The following PTPRD variants were observed in gnomAD, a reference collection of about 807,000 sequenced individuals.
PTPRD encodes receptor-type tyrosine-protein phosphatase delta.
A neutral mutation model predicts 214.5 loss-of-function variants in PTPRD; 34 were observed. The ratio of observed to expected loss-of-function variants is 0.16; its 90% CI spans 0.12 to 0.21. The LOEUF is 0.21. PTPRD is among the 10% of genes least tolerant of loss of function. PTPRD has a pLI of 1.00. For missense variants in PTPRD, 2,545 were observed against 2,398.7 expected (o/e 1.06, Z -1.27); for synonymous variants, 1,128 against 845.7 (o/e 1.33, Z -5.79).
chr9:9,186,982 CTT>C (rs1235482718), intron 9 of PTPRD, among the ~76,000 whole-genome samples: 2 of 151,436 alleles, frequency 1.3e-5, no homozygotes, highest in African/African-American at 2.4e-5. Flanking sequence ...TAATATGACT[CTT>C]GAGTATTATA....
intron 11 of PTPRD, among the ~76,000 whole-genome samples, chr9:8,776,322 G>A (rs1057235621): frequency 4.6e-5 from 7 of 152,110 alleles, no homozygotes; most frequent in African/African-American, 1.7e-4. Context: ...TTATTTTTGA[G>A]ACAGGGTCTT....
chr9:8,724,761 C>G (rs1565577762), intron 12 of PTPRD, among the ~76,000 whole-genome samples: 1 of 151,718 alleles, frequency 6.6e-6, no homozygotes, highest in South Asian at 2.1e-4. Flanking sequence ...TGAGGAAACC[C>G]CATCTCTAAA....
intron 7 of PTPRD, among the ~76,000 whole-genome samples, chr9:9,604,800 T>C (rs1322979799): frequency 6.6e-6 from 1 of 152,002 alleles, no homozygotes; most frequent in African/African-American, 2.4e-5. Context: ...TTAAATCACA[T>C]GTTTTGCCAT....
chr9:8,873,280 CACT>C (rs1328392555), intron 11 of PTPRD, among the ~76,000 whole-genome samples: 2 of 152,176 alleles, frequency 1.3e-5, no homozygotes, highest in Non-Finnish European at 2.9e-5. Flanking sequence ...CATGAAATAT[CACT>C]ACCCCTTCAT....
intron 14 of PTPRD, among the ~76,000 whole-genome samples, chr9:8,528,993 G>C (rs895567049): frequency 1.3e-5 from 2 of 152,108 alleles, no homozygotes; most frequent in African/African-American, 4.8e-5. Context: ...ACAGAGCTCA[G>C]ACGGGGCCGA....
chr9:10,593,550 T>G (rs1265647018), intron 2 of PTPRD, among the ~76,000 whole-genome samples: 1 of 152,034 alleles, frequency 6.6e-6, no homozygotes, highest in Non-Finnish European at 1.5e-5. Flanking sequence ...ATTAGGGATT[T>G]TGAAGTCACC....
Position 8,827,558 on chromosome 9 carries a change from G to A in PTPRD, c.-103-93612C>T, listed in dbSNP as rs1045488163. On this transcript the variant is annotated intron_variant, in intron 11 of 45. Coordinates refer to ENST00000381196, the MANE Select transcript of PTPRD (RefSeq NM_002839.4). ...GGAGGCAGAGGCTGCAGTGAGCCAA[G>A]ATTGGGCCACCACACTCCAGCCTGG... 2.6e-5 allele frequency among the ~76,000 whole-genome samples: 4 copies of A among 152,122 alleles called. No individual in the cohort carries two copies. In the East Asian group the frequency reaches 7.7e-4, roughly 29 times the overall value.
chr9:9,505,873 C>T (rs1237918492), intron 8 of PTPRD, among the ~76,000 whole-genome samples: 1 of 151,330 alleles, frequency 6.6e-6, no homozygotes. Flanking sequence ...CATTACAACA[C>T]AACAATGGAC....
At chr9:9,022,463 G>A (rs1470509433) in intron 10 of PTPRD, among the ~76,000 whole-genome samples, 1 of 152,036 alleles carries the variant, frequency 6.6e-6, no homozygotes, top group East Asian at 1.9e-4. Context: ...CACATACACT[G>A]GCCAATGTGT....
chr9:8,422,717 C>T (rs892737242), intron 35 of PTPRD, among the ~76,000 whole-genome samples: 22 of 152,124 alleles, frequency 1.4e-4, no homozygotes, highest in Non-Finnish European at 2.6e-4. Context: ...AGGATCAATA[C>T]AGAAGGAATA....
intron 10 of PTPRD, among the ~76,000 whole-genome samples, chr9:9,093,264 T>C (rs929547885): frequency 1.5e-4 from 23 of 152,014 alleles, no homozygotes; most frequent in Non-Finnish European, 2.5e-4. Context: ...TGCTCAGCAA[T>C]TGATAAAACA....
At chr9:8,353,305 T>A (rs2076010059) in intron 39 of PTPRD, among the ~76,000 whole-genome samples, 1 of 152,210 alleles carries the variant, frequency 6.6e-6, no homozygotes, top group East Asian at 1.9e-4. Context: ...CCTAGCAACC[T>A]CCAGCAGGCC....
At chr9:10,399,206 T>C (rs917313158) in intron 2 of PTPRD, among the ~76,000 whole-genome samples, 3 of 151,934 alleles carry the variant, frequency 2.0e-5, no homozygotes, top group Non-Finnish European at 4.4e-5. Flanking sequence ...GATTTGTAAA[T>C]TAGAGAAGGA....
At chr9:8,826,653 G>C (rs1279374626) in intron 11 of PTPRD, among the ~76,000 whole-genome samples, 2 of 132,792 alleles carry the variant, frequency 1.5e-5, no homozygotes, top group East Asian at 2.1e-4. Flanking sequence ...TTTCTATATA[G>C]TGCTTATCCA....
intron 11 of PTPRD, among the ~76,000 whole-genome samples, chr9:8,740,414 T>A (rs1208755268): frequency 6.6e-6 from 1 of 152,184 alleles, no homozygotes; most frequent in Non-Finnish European, 1.5e-5. Flanking sequence ...AGTTGTATAG[T>A]TTTTATAAAA....
At chr9:10,165,974 C>G (rs963480831) in intron 3 of PTPRD, among the ~76,000 whole-genome samples, 2 of 149,666 alleles carry the variant, frequency 1.3e-5, no homozygotes, top group Non-Finnish European at 3.0e-5. Flanking sequence ...ATTATGTAAA[C>G]ATATAAAGCT....
intron 11 of PTPRD, among the ~76,000 whole-genome samples, chr9:8,800,556 A>C (rs2096551154): frequency 6.6e-6 from 1 of 152,216 alleles, no homozygotes; most frequent in Admixed American, 6.5e-5. Flanking sequence ...ACACTATGAC[A>C]GTTTACAAAT....
At chr9:9,618,271 C>T (rs79921927) in intron 7 of PTPRD, among the ~76,000 whole-genome samples, 1 of 151,354 alleles carries the variant, frequency 6.6e-6, no homozygotes. Flanking sequence ...CTAACCCTTC[C>T]GGGAAGACAG....
At chr9:8,481,777 CTGTTTTGTTT>C (rs113860606) in intron 30 of PTPRD, among the ~76,000 whole-genome samples, 1 of 151,266 alleles carries the variant, frequency 6.6e-6, no homozygotes, top group African/African-American at 2.4e-5. Flanking sequence ...TATCTATAAT[CTGTTTTGTTT>C]TGTTTTGTTT....
Sources: allele counts gnomAD v4.1 joint callset (sites outside exome capture counted in the v4.1 genomes callset), GRCh38; gene constraint gnomAD v4.1.1; transcripts MANE v1.5; gene names NCBI Gene and HGNC (gene_info 2026-07-23, HGNC 2026-07-21).